The following SLC24A2 variants were observed in gnomAD, a reference collection of about 807,000 sequenced individuals.
The protein encoded by SLC24A2 is sodium/potassium/calcium exchanger 2.
A neutral mutation model predicts 62.0 loss-of-function variants in SLC24A2; 36 were observed. The ratio of observed to expected loss-of-function variants is 0.58; its 90% CI spans 0.44 to 0.77. The LOEUF (loss-of-function observed/expected upper bound fraction) is 0.77. Among genes scored for constraint, SLC24A2 ranks in the 30% least tolerant of loss-of-function variants. The probability of loss-of-function intolerance (pLI) is 0.00; values close to 1 mark genes in which losing one functional copy is unlikely to be tolerated. For missense variants in SLC24A2, 846 were observed against 817.9 expected, an observed-to-expected ratio of 1.03 and a Z score of -0.42; for synonymous variants, 358 against 294.0, an observed-to-expected ratio of 1.22 and a Z score of -2.23.
chr9:19,889,495 G>C, the SLC24A2 span, among the ~76,000 whole-genome samples: 1 of 151,914 alleles, frequency 6.6e-6, no homozygotes, highest in Non-Finnish European at 1.5e-5. Context: ...CTCCATTCAT[G>C]CTTAGCAATC....
chr9:19,985,283 A>C, the SLC24A2 span, among the ~76,000 whole-genome samples: 2 of 152,328 alleles, frequency 1.3e-5, no homozygotes, highest in East Asian at 3.9e-4. Flanking sequence ...AAAAAGGCCT[A>C]TTATGAAATG....
chr9:19,897,665 A>G, the SLC24A2 span, among the ~76,000 whole-genome samples: 1 of 152,204 alleles, frequency 6.6e-6, no homozygotes. Flanking sequence ...CGGGTCTATT[A>G]TGTTCACAAC....
intron 2 of SLC24A2, among the ~76,000 whole-genome samples, chr9:19,751,383 A>T (rs1455965075): frequency 6.6e-6 from 1 of 152,168 alleles, no homozygotes; most frequent in African/African-American, 2.4e-5. Context: ...TCACCTACAA[A>T]GTAGAAGCAC....
intron 2 of SLC24A2, among the ~76,000 whole-genome samples, chr9:19,643,547 A>T (rs1818561910): frequency 2.6e-5 from 4 of 152,164 alleles, no homozygotes; most frequent in Admixed American, 6.5e-5. Context: ...CCTAATCCAG[A>T]CGTGTCAGAT....
chr9:20,247,405 C>G, the SLC24A2 span, among the ~76,000 whole-genome samples: 2 of 152,126 alleles, frequency 1.3e-5, no homozygotes, highest in African/African-American at 4.8e-5. Context: ...AAATCCTCAC[C>G]CCTAAGGTGA....
intron 2 of SLC24A2, among the ~76,000 whole-genome samples, chr9:19,754,101 A>G (rs1822062066): frequency 6.6e-6 from 1 of 152,206 alleles, no homozygotes; most frequent in Non-Finnish European, 1.5e-5. Flanking sequence ...TATGAAGGTA[A>G]AAAAGCTTAC....
At chr9:19,892,880 C>T in the SLC24A2 span, among the ~76,000 whole-genome samples, 2 of 152,186 alleles carry the variant, frequency 1.3e-5, no homozygotes, top group African/African-American at 4.8e-5. Flanking sequence ...GGTGCTTCTC[C>T]AAGGGCTGAA....
At chr9:20,152,172 C>T in the SLC24A2 span, among the ~76,000 whole-genome samples, 2 of 151,768 alleles carry the variant, frequency 1.3e-5, no homozygotes, top group African/African-American at 4.8e-5. Flanking sequence ...TAAATGCTGC[C>T]GGTTTTAGCT....
intron 2 of SLC24A2, among the ~76,000 whole-genome samples, chr9:19,730,524 T>G (rs1254568422): frequency 6.6e-6 from 1 of 152,170 alleles, no homozygotes; most frequent in African/African-American, 2.4e-5. Context: ...ACCTTAAGAA[T>G]GCTAGGCCAT....
the SLC24A2 span, among the ~76,000 whole-genome samples, chr9:20,054,514 T>G: frequency 5.3e-5 from 8 of 152,144 alleles, no homozygotes; most frequent in Non-Finnish European, 1.2e-4. Context: ...TTTCTGAGAT[T>G]TTGGTGCACC....
chr9:20,161,686 A>T, the SLC24A2 span, among the ~76,000 whole-genome samples: 1 of 151,350 alleles, frequency 6.6e-6, no homozygotes, highest in Non-Finnish European at 1.5e-5. Context: ...ATCTCTCCAG[A>T]AAATAAGAAT....
At chr9:20,102,767 G>A in the SLC24A2 span, among the ~76,000 whole-genome samples, 1,229 of 152,176 alleles carry the variant, frequency 8.1e-3, 20 homozygotes, top group African/African-American at 0.028. Context: ...CAGCATGAGC[G>A]ACACAGAAGA....
the SLC24A2 span, among the ~76,000 whole-genome samples, chr9:19,817,003 A>C: frequency 6.6e-6 from 1 of 152,206 alleles, no homozygotes; most frequent in African/African-American, 2.4e-5. Flanking sequence ...AAGTATTCAT[A>C]GAATGCATGA....
chr9:19,718,411 G>C (rs1206906537), intron 2 of SLC24A2, among the ~76,000 whole-genome samples: 1 of 139,054 alleles, frequency 7.2e-6, no homozygotes, highest in Admixed American at 7.7e-5. Context: ...TCCCACCTCA[G>C]CCTCCTGAGT....
intron 2 of SLC24A2, among the ~76,000 whole-genome samples, chr9:19,730,445 T>C (rs1409952): frequency 0.56 from 84,728 of 151,944 alleles, 23,869 homozygotes; most frequent in East Asian, 0.84. Flanking sequence ...TGTTCAATGT[T>C]ATATTTTTGT....
intron 2 of SLC24A2, among the ~76,000 whole-genome samples, chr9:19,737,573 T>TA (rs1416924710): frequency 1.3e-5 from 2 of 152,042 alleles, no homozygotes; most frequent in Admixed American, 6.6e-5. Context: ...TTTAAAAGGT[T>TA]AAAAAATAAA....
At chr9:20,198,861 A>G in the SLC24A2 span, among the ~76,000 whole-genome samples, 1 of 152,236 alleles carries the variant, frequency 6.6e-6, no homozygotes, top group Non-Finnish European at 1.5e-5. Flanking sequence ...TCTCAGAAAG[A>G]GGAGCAAATT....
chr9:20,140,296 C>T, the SLC24A2 span, among the ~76,000 whole-genome samples: 1 of 152,108 alleles, frequency 6.6e-6, no homozygotes, highest in African/African-American at 2.4e-5. Flanking sequence ...GAGTGGAATG[C>T]ATTTTTGTTC....
chr9:19,917,309 A>G, the SLC24A2 span, among the ~76,000 whole-genome samples: 22 of 149,764 alleles, frequency 1.5e-4, no homozygotes, highest in Admixed American at 1.3e-3. Flanking sequence ...TATGGTCTTA[A>G]AGTTTATATT....
Sources: gnomAD v4.1 joint callset for allele counts (sites outside exome capture counted in the v4.1 genomes callset) on GRCh38, gnomAD v4.1.1 for gene constraint, MANE v1.5 for transcripts, NCBI Gene and HGNC (gene_info 2026-07-23, HGNC 2026-07-21) for gene names.